SLC6A14: variants seen among roughly 807,000 people sequenced by gnomAD.
SLC6A14 encodes sodium- and chloride-dependent neutral and basic amino acid transporter B(0+).
SLC6A14 carries 21 observed loss-of-function variants against 51.4 expected under a neutral mutation model. That is an observed-to-expected ratio of 0.41 (90% confidence interval 0.29 to 0.59). The LOEUF is 0.59. SLC6A14 is among the 20% of genes least tolerant of loss of function. The probability of loss-of-function intolerance (pLI) is 0.31; values close to 1 mark genes in which losing one functional copy is unlikely to be tolerated. For synonymous variants in SLC6A14, 177 were observed against 160.7 expected (o/e 1.10, Z -0.77); for missense variants, 371 against 472.8 (o/e 0.78, Z 2.00).
At position 116,436,678 on chromosome X, in the gene SLC6A14, A is replaced by C. The variant is rs1927487355; in HGVS notation, c.-32A>C. 2 of 1,156,040 alleles carry C rather than the reference A, an allele frequency of 1.7e-6. No individual in the cohort carries two copies. Among genetic ancestry groups the C allele is most frequent in the Admixed American group, 2.6e-5 (1 of 38,046 alleles). On this transcript the variant is annotated 5_prime_UTR_variant, in exon 1 of 14. Coordinates refer to ENST00000598581, the MANE Select transcript of SLC6A14 (RefSeq NM_007231.5). ...TCAAGCTCAGCCAGACTGCAAGAGG[A>C]GGCGAGGCGGAGCCAGCCGAGGGAG...
intron 7 of SLC6A14, among the ~76,000 whole-genome samples, chrX:116,449,097 G>C (rs1444470824): frequency 4.5e-5 from 5 of 111,345 alleles, no homozygotes; most frequent in Non-Finnish European, 9.4e-5. Context: ...TTTATAGATA[G>C]AGGAGTCTTC....
intron 7 of SLC6A14, among the ~76,000 whole-genome samples, chrX:116,449,891 A>G (rs1556694294): frequency 8.9e-6 from 1 of 112,091 alleles, no homozygotes; most frequent in Non-Finnish European, 1.9e-5. Context: ...AATTGATAAT[A>G]TCAATTATCC....
chrX:116,451,398 A>G (rs781840460), intron 7 of SLC6A14, 44 bp from the exon 8 acceptor site: 1 of 937,193 alleles, frequency 1.1e-6, no homozygotes, highest in South Asian at 2.4e-5. Context: ...ACAAATAAAA[A>G]ATTGAGTATA....
At chrX:116,439,690 G>A (rs782667642) in intron 2 of SLC6A14, among the ~76,000 whole-genome samples, 3 of 110,748 alleles carry the variant, frequency 2.7e-5, no homozygotes, top group East Asian at 2.8e-4. Flanking sequence ...GTTCACACTC[G>A]GCTGGTAAAG....
intron 5 of SLC6A14, 111 bp from the exon 6 acceptor site, chrX:116,444,807 T>G: frequency 1.3e-6 from 1 of 767,419 alleles, no homozygotes; most frequent in Non-Finnish European, 1.9e-6. Context: ...GATATATTAA[T>G]AAGATACAAT....
intron 7 of SLC6A14, among the ~76,000 whole-genome samples, chrX:116,448,421 CT>C (rs1719003117): frequency 9.0e-6 from 1 of 111,552 alleles, no homozygotes; most frequent in Non-Finnish European, 1.9e-5. Context: ...CTTTTTATCC[CT>C]GTTGGTTAAT....
intron 7 of SLC6A14, among the ~76,000 whole-genome samples, chrX:116,447,295 G>A (rs1556694093): frequency 8.9e-6 from 1 of 111,786 alleles, no homozygotes; most frequent in Non-Finnish European, 1.9e-5. Context: ...ATACATTTTA[G>A]TTTTCTTCAA....
At chrX:116,455,765 G>T (rs1271666120) in intron 12 of SLC6A14, among the ~76,000 whole-genome samples, 1 of 111,184 alleles carries the variant, frequency 9.0e-6, no homozygotes, top group African/African-American at 3.2e-5. Context: ...ACATGAATTT[G>T]CTCATTCCCT....
At chrX:116,457,035 G>A (rs983011319) in intron 12 of SLC6A14, among the ~76,000 whole-genome samples, 2 of 111,851 alleles carry the variant, frequency 1.8e-5, no homozygotes, top group East Asian at 2.8e-4. Flanking sequence ...GATGCTGGAA[G>A]TGAAATGTGC....
intron 7 of SLC6A14, among the ~76,000 whole-genome samples, chrX:116,450,635 G>A (rs1481375086): frequency 8.9e-6 from 1 of 111,921 alleles, no homozygotes; most frequent in Non-Finnish European, 1.9e-5. Context: ...ATGCAGTGTG[G>A]CAATAAAGAA....
chrX:116,438,428 G>C (rs1294150714), intron 2 of SLC6A14, among the ~76,000 whole-genome samples: 4 of 112,162 alleles, frequency 3.6e-5, no homozygotes, highest in African/African-American at 1.3e-4. Context: ...TGTTGAAAGA[G>C]ATGATTAAAA....
chrX:116,449,017 A>C (rs1556694228), intron 7 of SLC6A14, among the ~76,000 whole-genome samples: 3 of 111,385 alleles, frequency 2.7e-5, no homozygotes, highest in Non-Finnish European at 5.7e-5. Context: ...AATCATAATC[A>C]GGTGTCTTTC....
Position 116,444,985 on chromosome X carries a change from T to G in SLC6A14, c.724T>G (p.Cys242Gly). Residue 242 changes from cysteine to glycine, a missense_variant, in exon 6 of 14, where the codon TGT (cysteine) becomes GGT (glycine). This residue lies in a region of SLC6A14 where 277 missense variants were observed against 391.8 expected (regional missense o/e 0.71). Transcript: ENST00000598581. ...AGTAATTGTTTGGTATTTAGCACTTTGTCTTCTTCTGGCTTGGCTCATAGT... is the reference window on the plus strand; with the variant it reads ...AGTAATTGTTTGGTATTTAGCACTTGGTCTTCTTCTGGCTTGGCTCATAGT... ...TGVIVWYLALCLLLAWLIVGA... is the reference protein window; with the variant it reads ...TGVIVWYLALGLLLAWLIVGA... 1.7e-6 allele frequency: 2 copies of G among 1,208,839 alleles called. No homozygotes were observed. The highest frequency in any genetic ancestry group is 2.3e-4 in the Middle Eastern group (1 of 4,338).
At chrX:116,439,700 G>A (rs1556693522) in intron 2 of SLC6A14, among the ~76,000 whole-genome samples, 1 of 110,863 alleles carries the variant, frequency 9.0e-6, no homozygotes, top group Non-Finnish European at 1.9e-5. Context: ...GGCTGGTAAA[G>A]CTTGTTTATT....
rs1242427611 is a variant in SLC6A14, at chrX:116,460,996, C to A, written c.*2041C>A. 2 of 111,808 alleles carry A rather than the reference C, an allele frequency of 1.8e-5. No individual in the cohort carries two copies. The highest frequency in any genetic ancestry group is 6.5e-5 in the African/African-American group (2 of 30,724). The allele number at this position is 111,808 out of a possible 1,213,427, so 9.2% of individuals were successfully genotyped here. A position where few individuals can be genotyped will look rare whatever the true frequency, so the allele number is the denominator to read the frequency against. ...GATGGCTAACAAGAGGTTAGAAATA[C>A]TTTTCCTTAATTTTAATCCACAGTA... On this transcript the variant is annotated 3_prime_UTR_variant, in exon 14 of 14. Transcript: ENST00000598581.
At chrX:116,446,199 G>A (rs1556694006) in intron 6 of SLC6A14, among the ~76,000 whole-genome samples, 1 of 103,770 alleles carries the variant, frequency 9.6e-6, no homozygotes, top group East Asian at 2.9e-4. Context: ...TAGTACAGAA[G>A]CAGAGCACTT....
At chrX:116,448,142 G>C (rs10218418) in intron 7 of SLC6A14, among the ~76,000 whole-genome samples, 4 of 111,022 alleles carry the variant, frequency 3.6e-5, no homozygotes, top group Admixed American at 1.9e-4. Flanking sequence ...TTCTTGTAAA[G>C]ATTTTTTGTA....
intron 4 of SLC6A14, 110 bp downstream of exon 4, chrX:116,442,958 C>A: frequency 2.0e-6 from 1 of 502,454 alleles, no homozygotes; most frequent in Non-Finnish European, 3.1e-6. Flanking sequence ...TTCCAAAGGT[C>A]ACTGGTGAAA....
chrX:116,446,244 G>A (rs781802359), intron 6 of SLC6A14, among the ~76,000 whole-genome samples: 1 of 110,419 alleles, frequency 9.1e-6, no homozygotes, highest in African/African-American at 3.3e-5. Context: ...AATGGTAGCT[G>A]TAAGGATAAC....
Sources: allele counts gnomAD v4.1 joint callset (sites outside exome capture counted in the v4.1 genomes callset), GRCh38; gene constraint gnomAD v4.1.1; regional missense constraint gnomAD v4.1.1; transcripts MANE v1.5; gene names NCBI Gene and HGNC (gene_info 2026-07-23, HGNC 2026-07-21).